KIF2A: variants seen among roughly 807,000 people sequenced by gnomAD.
KIF2A encodes the protein kinesin-like protein KIF2A.
KIF2A carries 22 observed loss-of-function variants against 100.2 expected under a neutral mutation model. The ratio of observed to expected loss-of-function variants is 0.22; its 90% CI spans 0.16 to 0.31. The LOEUF (loss-of-function observed/expected upper bound fraction) is 0.31. Ranked by LOEUF, KIF2A falls within the 10% of genes least tolerant of loss-of-function variation. The pLI is 1.00. For synonymous variants in KIF2A, 268 were observed against 285.9 expected, an observed-to-expected ratio of 0.94 and a Z score of 0.63; for missense variants, 495 against 898.7, an observed-to-expected ratio of 0.55 and a Z score of 5.74.
chr5:62,337,153 G>C (rs1455330853), intron 1 of KIF2A, among the ~76,000 whole-genome samples: 2 of 152,144 alleles, frequency 1.3e-5, no homozygotes, highest in Non-Finnish European at 2.9e-5. Flanking sequence ...AACTATTCTA[G>C]AGTACGGAAA....
At chr5:62,355,558 T>A (rs1219295880) in intron 7 of KIF2A, among the ~76,000 whole-genome samples, 3 of 152,228 alleles carry the variant, frequency 2.0e-5, no homozygotes, top group Non-Finnish European at 4.4e-5. Context: ...CCTTTCTGAC[T>A]GTGAGTTATA....
intron 1 of KIF2A, among the ~76,000 whole-genome samples, chr5:62,332,435 A>C (rs1197901774): frequency 6.6e-6 from 1 of 152,170 alleles, no homozygotes; most frequent in Non-Finnish European, 1.5e-5. Context: ...TTTTCCCTTT[A>C]ATTTCGTCCT....
At chr5:62,366,780 G>A (rs899040898) in intron 16 of KIF2A, among the ~76,000 whole-genome samples, 3 of 150,264 alleles carry the variant, frequency 2.0e-5, no homozygotes, top group Admixed American at 6.6e-5. Context: ...GCAGTGAGCC[G>A]AGATCACGCC....
chr5:62,346,422 A>G (rs1166461474), intron 1 of KIF2A, among the ~76,000 whole-genome samples: 1 of 152,170 alleles, frequency 6.6e-6, no homozygotes, highest in East Asian at 1.9e-4. Flanking sequence ...AGTAAAAAGT[A>G]TTTTATATCA....
chr5:62,353,419 AT>A, intron 6 of KIF2A, 44 bp downstream of exon 6: 1 of 957,836 alleles, frequency 1.0e-6, no homozygotes, highest in Non-Finnish European at 1.5e-6. Flanking sequence ...CCAACCAGAG[AT>A]TAGATTATAT....
chr5:62,350,030 GAT>G, intron 3 of KIF2A, 34 bp from the exon 4 acceptor site: 6 of 1,420,294 alleles, frequency 4.2e-6, no homozygotes, highest in Non-Finnish European at 5.8e-6. Flanking sequence ...AGGGAGTAAA[GAT>G]AGAAAACATA....
chr5:62,308,785 G>A (rs1745430790), intron 1 of KIF2A, among the ~76,000 whole-genome samples: 1 of 152,096 alleles, frequency 6.6e-6, no homozygotes, highest in African/African-American at 2.4e-5. Context: ...AGAGGAAATG[G>A]GGAGATATAG....
intron 1 of KIF2A, among the ~76,000 whole-genome samples, chr5:62,321,191 T>A (rs551568896): frequency 6.6e-6 from 1 of 152,338 alleles, no homozygotes; most frequent in Non-Finnish European, 1.5e-5. Flanking sequence ...GGTTTCCCAT[T>A]TTTTGGCCAT....
chr5:62,323,214 C>T (rs1015540984), intron 1 of KIF2A, among the ~76,000 whole-genome samples: 2 of 151,028 alleles, frequency 1.3e-5, no homozygotes, highest in African/African-American at 2.4e-5. Flanking sequence ...CAAGATCACG[C>T]CATTGCACTC....
At chr5:62,309,639 G>T (rs116426051) in intron 1 of KIF2A, among the ~76,000 whole-genome samples, 170 of 152,270 alleles carry the variant, frequency 1.1e-3, no homozygotes, top group African/African-American at 3.6e-3. Context: ...CAGTAGAAAT[G>T]ACATGAGTAA....
chr5:62,344,255 A>T (rs1331463133), intron 1 of KIF2A, among the ~76,000 whole-genome samples: 1 of 152,016 alleles, frequency 6.6e-6, no homozygotes, highest in Non-Finnish European at 1.5e-5. Context: ...GAGGCAGGAA[A>T]ATCGCTTGAA....
intron 1 of KIF2A, among the ~76,000 whole-genome samples, chr5:62,339,928 C>G (rs186529586): frequency 7.0e-6 from 1 of 143,450 alleles, no homozygotes; most frequent in Non-Finnish European, 1.5e-5. Flanking sequence ...TGGGTAGTTA[C>G]TTTTAGTACT....
At chr5:62,368,652 C>A (rs1741192690) in intron 16 of KIF2A, among the ~76,000 whole-genome samples, 1 of 151,922 alleles carries the variant, frequency 6.6e-6, no homozygotes, top group South Asian at 2.1e-4. Context: ...TGGCATGCAT[C>A]TGTAGTCCCA....
chr5:62,347,299 CATA>C (rs1747621251), intron 2 of KIF2A, 75 bp downstream of exon 2: 2 of 779,348 alleles, frequency 2.6e-6, no homozygotes, highest in Non-Finnish European at 4.2e-6. Context: ...CAGAAAAGTA[CATA>C]ATGTTATTTT....
chr5:62,306,795 G>A (rs1353982911), intron 1 of KIF2A: 5 of 461,310 alleles, frequency 1.1e-5, no homozygotes, highest in Non-Finnish European at 1.9e-5. Context: ...CGAGGGTCGC[G>A]TCTCCGGGGG....
At chr5:62,320,323 C>G (rs887911344) in intron 1 of KIF2A, among the ~76,000 whole-genome samples, 1 of 152,154 alleles carries the variant, frequency 6.6e-6, no homozygotes, top group African/African-American at 2.4e-5. Flanking sequence ...GCCTTCAACT[C>G]TTGACATTTT....
chr5:62,322,977 C>G (rs1232956679), intron 1 of KIF2A, among the ~76,000 whole-genome samples: 1 of 138,192 alleles, frequency 7.2e-6, no homozygotes, highest in Non-Finnish European at 1.5e-5. Flanking sequence ...TCTGAGAAAG[C>G]CGGGCGCAGT....
chr5:62,381,099 C>A lies in KIF2A; in HGVS notation c.2014-19C>A, dbSNP rs776614866. ...TGCACAAAGATGCTTATTGGATTAT[C>A]GAATTTTTGTCCTTGTAGGAATCTA... On this transcript the variant is annotated intron_variant, in intron 19 of 20. Coordinates refer to ENST00000407818, the MANE Select transcript of KIF2A (RefSeq NM_001098511.3). The A allele has an allele frequency of 3.1e-6, 5 of 1,593,976 alleles. No homozygotes were observed. Among genetic ancestry groups the A allele is most frequent in the Admixed American group, 1.7e-5 (1 of 57,846 alleles).
intron 4 of KIF2A, 88 bp downstream of exon 4, chr5:62,350,208 A>T: frequency 4.3e-6 from 3 of 697,948 alleles, no homozygotes; most frequent in Non-Finnish European, 7.1e-6. Flanking sequence ...ATTACCCTTG[A>T]TGTTGGTATT....
Sources: gnomAD v4.1 joint callset for allele counts (sites outside exome capture counted in the v4.1 genomes callset) on GRCh38, gnomAD v4.1.1 for gene constraint, MANE v1.5 for transcripts, NCBI Gene and HGNC (gene_info 2026-07-23, HGNC 2026-07-21) for gene names.